Variants in CEP112 observed in about 807,000 individuals in gnomAD.
CEP112 encodes the protein centrosomal protein of 112 kDa.
Under a neutral mutation model 153.0 loss-of-function variants are expected in CEP112, and 127 were observed. That is an observed-to-expected ratio of 0.83 (90% CI 0.72 to 0.96). The LOEUF (loss-of-function observed/expected upper bound fraction) is 0.96. Ranked by LOEUF, CEP112 falls within the 40% of genes least tolerant of loss-of-function variation. The pLI is 0.00. For synonymous variants in CEP112, 358 were observed against 374.4 expected (o/e 0.96, Z 0.51); for missense variants, 1,089 against 1,101.2 (o/e 0.99, Z 0.16).
In CEP112 at chr17:66,041,933, C is replaced by T. The variant is rs185620698; in HGVS notation, c.1218+11803G>A. ...TTAAACACGGGCTGCCAAACGGTAACTTCCTTTCAAGTAGTACAGTATGGA... is the reference window on the plus strand; with the variant it reads ...TTAAACACGGGCTGCCAAACGGTAATTTCCTTTCAAGTAGTACAGTATGGA... On this transcript the variant is annotated intron_variant, in intron 12 of 26. Transcript: ENST00000535342. Among the ~76,000 whole-genome samples, 4 of 152,324 alleles carry T rather than the reference C, an allele frequency of 2.6e-5. No individual in the cohort carries two copies. In the East Asian group the frequency reaches 7.7e-4, roughly 29 times the overall value.
chr17:66,078,947 A>G (rs2067610926), intron 8 of CEP112, among the ~76,000 whole-genome samples: 2 of 152,204 alleles, frequency 1.3e-5, no homozygotes, highest in South Asian at 4.1e-4. Context: ...GGCTGAAGAT[A>G]GGGCCCCAAT....
intron 12 of CEP112, among the ~76,000 whole-genome samples, chr17:66,041,610 T>A (rs1314635978): frequency 6.6e-6 from 1 of 152,148 alleles, no homozygotes; most frequent in African/African-American, 2.4e-5. Context: ...AGCACACAGA[T>A]ATTGGTTTCC....
chr17:65,978,667 C>A (rs990099567), intron 17 of CEP112, among the ~76,000 whole-genome samples: 1 of 152,260 alleles, frequency 6.6e-6, no homozygotes, highest in East Asian at 1.9e-4. Context: ...TTTCACACTT[C>A]ATTGCTAATG....
Position 65,827,496 on chromosome 17 carries a change from AC to A in CEP112, c.2394+24307del, listed in dbSNP as rs2056888345. Among the ~76,000 whole-genome samples the A allele has an allele frequency of 2.0e-5, 3 of 152,172 alleles. No individual in the cohort carries two copies. In the South Asian group the frequency reaches 6.2e-4, roughly 32 times the overall value. Reference sequence around the variant, plus strand: ...CCCAGCTACCACTCTGGTCTAAGCCACCATCATTTCCTCTCATCTGGATTAC... The same window carrying A: ...CCCAGCTACCACTCTGGTCTAAGCCACATCATTTCCTCTCATCTGGATTAC... On this transcript the variant is annotated intron_variant, in intron 21 of 26. Transcript: ENST00000535342.
chr17:65,681,527 G>A (rs2144242487), intron 24 of CEP112, among the ~76,000 whole-genome samples: 1 of 149,584 alleles, frequency 6.7e-6, no homozygotes, highest in South Asian at 2.2e-4. Context: ...ATGTCCTCCT[G>A]CTAGCATCTA....
intron 20 of CEP112, among the ~76,000 whole-genome samples, chr17:65,887,411 C>T (rs901910264): frequency 6.6e-6 from 1 of 152,196 alleles, no homozygotes; most frequent in Non-Finnish European, 1.5e-5. Flanking sequence ...CACAAAATCA[C>T]ATTTTAATGA....
chr17:65,866,146 A>G (rs925097469), intron 20 of CEP112, among the ~76,000 whole-genome samples: 3 of 151,972 alleles, frequency 2.0e-5, no homozygotes, highest in African/African-American at 7.3e-5. Context: ...AAGGCCCCCC[A>G]TTTCCCCAAC....
chr17:66,148,959 T>C (rs760537861), intron 4 of CEP112, among the ~76,000 whole-genome samples: 120 of 152,298 alleles, frequency 7.9e-4, no homozygotes, highest in Non-Finnish European at 1.4e-3. Context: ...ATAATGTCTA[T>C]AGGCTTTAAA....
intron 4 of CEP112, among the ~76,000 whole-genome samples, chr17:66,161,850 AC>A (rs2071725206): frequency 6.6e-6 from 1 of 151,844 alleles, no homozygotes; most frequent in African/African-American, 2.4e-5. Context: ...GAATAAAAAA[AC>A]TCTGCACGAA....
At chr17:65,971,415 A>AGCACATAGATTGGATGCATGTGATGTAT (rs148309566) in intron 17 of CEP112, among the ~76,000 whole-genome samples, 1 of 151,416 alleles carries the variant, frequency 6.6e-6, no homozygotes, top group Admixed American at 6.6e-5. Context: ...GCACCCATGC[A>AGCACATAGATTGGATGCATGTGATGTAT]GCATGCTGCA....
intron 16 of CEP112, among the ~76,000 whole-genome samples, chr17:66,014,239 C>A (rs1202764687): frequency 6.6e-6 from 1 of 152,082 alleles, no homozygotes; most frequent in Non-Finnish European, 1.5e-5. Flanking sequence ...TCAGTGGGGG[C>A]CACTCTGCTG....
chr17:65,787,067 T>A (rs1444912234), intron 21 of CEP112, among the ~76,000 whole-genome samples: 6 of 152,242 alleles, frequency 3.9e-5, no homozygotes, highest in Non-Finnish European at 7.3e-5. Context: ...GGTCAGTCTA[T>A]CTATACTTGT....
rs189831161 is a variant in CEP112, at chr17:65,702,636, C to T, written c.2608-13418G>A. On this transcript the variant is annotated intron_variant, in intron 23 of 26. Transcript: ENST00000535342. ...AGTGCCTAATTTATATATTAAACTT[C>T]ATAATAAATGTATTAGTCCATTCTC... Among the ~76,000 whole-genome samples, 3 of 152,204 alleles carry T rather than the reference C, an allele frequency of 2.0e-5. No homozygotes were observed. In the East Asian group the frequency reaches 5.8e-4, roughly 29 times the overall value.
chr17:65,730,430 CTCTG>C (rs2050435949), intron 23 of CEP112, among the ~76,000 whole-genome samples: 2 of 152,166 alleles, frequency 1.3e-5, no homozygotes, highest in African/African-American at 2.4e-5. Context: ...GACTGAATGG[CTCTG>C]TCTTTCTTTC....
At chr17:65,672,957 C>T (rs1473169875) in intron 24 of CEP112, among the ~76,000 whole-genome samples, 2 of 152,140 alleles carry the variant, frequency 1.3e-5, no homozygotes, top group Non-Finnish European at 2.9e-5. Context: ...TTTATCATTG[C>T]TGTAACAAAT....
chr17:65,724,637 T>C (rs1263837202), intron 23 of CEP112, among the ~76,000 whole-genome samples: 1 of 152,242 alleles, frequency 6.6e-6, no homozygotes. Flanking sequence ...ATGTACAACA[T>C]ACGCATACAT....
At chr17:65,706,526 C>T (rs183279838) in intron 23 of CEP112, among the ~76,000 whole-genome samples, 10 of 152,232 alleles carry the variant, frequency 6.6e-5, no homozygotes, top group African/African-American at 2.2e-4. Flanking sequence ...CAGTTACTTC[C>T]TAGACATTTA....
At chr17:65,817,784 T>G (rs2056347091) in intron 21 of CEP112, among the ~76,000 whole-genome samples, 1 of 151,818 alleles carries the variant, frequency 6.6e-6, no homozygotes, top group South Asian at 2.1e-4. Flanking sequence ...TCTGGAAACT[T>G]TTATAGTATT....
rs978281428 is a variant in CEP112 at position 65,764,820 on chromosome 17, T to C, written c.2395-14096A>G. On this transcript the variant is annotated intron_variant, in intron 21 of 26. Coordinates refer to ENST00000535342, the MANE Select transcript of CEP112 (RefSeq NM_001199165.4). ...TGCTGTTTATTGTCTCCTGGTTGTT[T>C]TGTATATCCTTTGTTCCTTTTTTCC... 2.0e-4 allele frequency among the ~76,000 whole-genome samples: 30 copies of C among 148,932 alleles called. 1 individual carries two copies. The East Asian group carries it at 6.0e-3, about 30-fold the overall frequency.
Sources: allele counts gnomAD v4.1 joint callset (sites outside exome capture counted in the v4.1 genomes callset), GRCh38; gene constraint gnomAD v4.1.1; transcripts MANE v1.5; gene names NCBI Gene and HGNC (gene_info 2026-07-23, HGNC 2026-07-21).